Variants in DLG2 observed in about 807,000 individuals in gnomAD.
DLG2 encodes the protein discs large MAGUK scaffold protein 2.
Under a neutral mutation model 132.5 loss-of-function variants are expected in DLG2, and 45 were observed. The observed-to-expected ratio is 0.34, with a 90% CI of 0.27 to 0.44. The LOEUF (loss-of-function observed/expected upper bound fraction) is 0.44. Ranked by LOEUF, DLG2 falls within the 20% of genes least tolerant of loss-of-function variation. DLG2 has a pLI of 1.00. For missense variants in DLG2, 1,045 were observed against 1,196.9 expected (o/e 0.87, Z 1.87); for synonymous variants, 424 against 419.6 (o/e 1.01, Z -0.13).
intron 10 of DLG2, among the ~76,000 whole-genome samples, chr11:84,060,172 G>T (rs1426822314): frequency 6.6e-6 from 1 of 152,008 alleles, no homozygotes; most frequent in Non-Finnish European, 1.5e-5. Flanking sequence ...AATTAGCTGG[G>T]CATGGTGGTG....
At chr11:84,896,377 A>G (rs1425065762) in intron 6 of DLG2, among the ~76,000 whole-genome samples, 3 of 152,118 alleles carry the variant, frequency 2.0e-5, no homozygotes, top group African/African-American at 7.2e-5. Flanking sequence ...CTTAAGTGCT[A>G]CAAGTTTTTC....
intron 3 of DLG2, among the ~76,000 whole-genome samples, chr11:85,544,391 C>T (rs1014698115): frequency 2.0e-5 from 3 of 151,948 alleles, no homozygotes; most frequent in African/African-American, 7.2e-5. Context: ...TTTGGTTACT[C>T]TAGGCTTGTA....
chr11:84,426,968 C>T (rs2098968680), intron 7 of DLG2, among the ~76,000 whole-genome samples: 3 of 152,204 alleles, frequency 2.0e-5, no homozygotes, highest in Admixed American at 1.3e-4. Flanking sequence ...CTAGAACTCT[C>T]TCAGAGTCAT....
intron 6 of DLG2, among the ~76,000 whole-genome samples, chr11:84,842,079 A>C (rs2080770319): frequency 6.6e-6 from 1 of 151,962 alleles, no homozygotes; most frequent in African/African-American, 2.4e-5. Flanking sequence ...ACTGCCACCA[A>C]TATCATATAA....
chr11:84,922,193 A>G (rs1262347573), intron 6 of DLG2, among the ~76,000 whole-genome samples: 1 of 151,234 alleles, frequency 6.6e-6, no homozygotes, highest in Middle Eastern at 3.4e-3. Flanking sequence ...AAAAAAAAAG[A>G]TTCCTATTTT....
chr11:83,624,827 T>C (rs1426371038), intron 19 of DLG2, among the ~76,000 whole-genome samples: 2 of 152,184 alleles, frequency 1.3e-5, no homozygotes, highest in Non-Finnish European at 2.9e-5. Flanking sequence ...GTACAAAGTA[T>C]AAAACAGAAG....
chr11:84,298,323 C>T (rs1328090285), intron 7 of DLG2, among the ~76,000 whole-genome samples: 1 of 152,118 alleles, frequency 6.6e-6, no homozygotes, highest in Non-Finnish European at 1.5e-5. Context: ...TATATTTTAA[C>T]TAGTCTGAGT....
At chr11:84,795,667 A>G (rs1212497485) in intron 6 of DLG2, among the ~76,000 whole-genome samples, 1 of 152,174 alleles carries the variant, frequency 6.6e-6, no homozygotes, top group Non-Finnish European at 1.5e-5. Flanking sequence ...TTTGCCTGCC[A>G]TGTTGTGGAC....
At chr11:84,951,658 CTA>C (rs563048967) in intron 6 of DLG2, among the ~76,000 whole-genome samples, 7 of 148,504 alleles carry the variant, frequency 4.7e-5, no homozygotes, top group South Asian at 2.1e-4. Flanking sequence ...TATATGCATT[CTA>C]TATATATATA....
At position 84,289,550 on chromosome 11, in the gene DLG2, T is replaced by C. The variant is rs1291320718; in HGVS notation, c.520-38259A>G. On this transcript the variant is annotated intron_variant, in intron 7 of 27. Transcript: ENST00000376104. ...TATGAGTAAAGGTAATTCTTTTAGGTCTAGAGATAGAGTTAGAAGCAAGTT... is the reference window on the plus strand; with the variant it reads ...TATGAGTAAAGGTAATTCTTTTAGGCCTAGAGATAGAGTTAGAAGCAAGTT... 3.3e-5 allele frequency among the ~76,000 whole-genome samples: 5 copies of C among 152,046 alleles called. No individual in the cohort carries two copies. The East Asian group carries it at 9.7e-4, about 29-fold the overall frequency.
chr11:84,327,484 A>C (rs1167935804), intron 7 of DLG2, among the ~76,000 whole-genome samples: 3 of 152,162 alleles, frequency 2.0e-5, no homozygotes, highest in Non-Finnish European at 4.4e-5. Flanking sequence ...GGAAGGACTT[A>C]TTATAGCCAT....
chr11:84,333,578 T>C (rs1279823494), intron 7 of DLG2, among the ~76,000 whole-genome samples: 1 of 152,230 alleles, frequency 6.6e-6, no homozygotes, highest in Non-Finnish European at 1.5e-5. Context: ...TTTAAAAAGC[T>C]GTTTACACTT....
At chr11:85,299,514 C>A (rs1333917706) in intron 3 of DLG2, among the ~76,000 whole-genome samples, 1 of 152,168 alleles carries the variant, frequency 6.6e-6, no homozygotes, top group African/African-American at 2.4e-5. Flanking sequence ...TCCCTTCCTC[C>A]CCATTATTGC....
chr11:85,270,612 A>G (rs2077470025), intron 4 of DLG2, among the ~76,000 whole-genome samples: 1 of 152,208 alleles, frequency 6.6e-6, no homozygotes, highest in African/African-American at 2.4e-5. Context: ...AACTCCCTAG[A>G]GACTTGTTGA....
chr11:84,209,961 C>T (rs1428912776), intron 8 of DLG2, among the ~76,000 whole-genome samples: 5 of 152,196 alleles, frequency 3.3e-5, no homozygotes, highest in Non-Finnish European at 1.5e-5. Context: ...ATCTAAGGAT[C>T]CAGAAATTCT....
intron 7 of DLG2, among the ~76,000 whole-genome samples, chr11:84,439,862 G>A (rs1211440827): frequency 6.6e-6 from 1 of 152,122 alleles, no homozygotes; most frequent in East Asian, 1.9e-4. Flanking sequence ...ACCTTAGACA[G>A]AATCAGACAA....
At chr11:84,205,703 C>G (rs921514953) in intron 8 of DLG2, among the ~76,000 whole-genome samples, 4 of 151,866 alleles carry the variant, frequency 2.6e-5, no homozygotes, top group Non-Finnish European at 5.9e-5. Context: ...TAAAGTGGTG[C>G]TAAGGAAATT....
intron 3 of DLG2, among the ~76,000 whole-genome samples, chr11:85,551,048 T>C (rs1346255159): frequency 6.6e-6 from 1 of 152,202 alleles, no homozygotes; most frequent in Non-Finnish European, 1.5e-5. Flanking sequence ...TAGGATAAAA[T>C]CCTGACACCA....
At chr11:84,154,916 T>G (rs1006045155) in intron 9 of DLG2, among the ~76,000 whole-genome samples, 1 of 152,064 alleles carries the variant, frequency 6.6e-6, no homozygotes, top group Non-Finnish European at 1.5e-5. Flanking sequence ...TGACAAATGG[T>G]ATCTAATTAA....
Sources: gnomAD v4.1 joint callset for allele counts (sites outside exome capture counted in the v4.1 genomes callset) on GRCh38, gnomAD v4.1.1 for gene constraint, MANE v1.5 for transcripts, NCBI Gene and HGNC (gene_info 2026-07-23, HGNC 2026-07-21) for gene names.